Variants in MPPED2 observed in about 807,000 individuals in gnomAD.
The protein encoded by MPPED2 is metallophosphoesterase domain containing 2.
Under a neutral mutation model 33.0 loss-of-function variants are expected in MPPED2, and 5 were observed. The observed-to-expected ratio is 0.15, with a 90% confidence interval of 0.08 to 0.32. The LOEUF (loss-of-function observed/expected upper bound fraction) is 0.32. Ranked by LOEUF, MPPED2 falls within the 10% of genes least tolerant of loss-of-function variation. The pLI is 1.00. For missense variants in MPPED2, 275 were observed against 372.1 expected (o/e 0.74, Z 2.15); for synonymous variants, 136 against 141.9 (o/e 0.96, Z 0.29).
chr11:30,585,101 C>T (rs1957397722), intron 1 of MPPED2: 1 of 152,322 alleles, frequency 6.6e-6, no homozygotes, highest in South Asian at 2.1e-4. Flanking sequence ...TAGAAAAATG[C>T]CCCCTTCACC....
intron 2 of MPPED2, among the ~76,000 whole-genome samples, chr11:30,550,256 C>T (rs1055514521): frequency 6.6e-6 from 1 of 151,796 alleles, no homozygotes; most frequent in African/African-American, 2.4e-5. Context: ...CAAATCAGCC[C>T]CTGGTTCCAA....
At chr11:30,387,020 G>A in exon 7 of MPPED2, 1 of 365,472 alleles carries the variant, frequency 2.7e-6, no homozygotes, top group Non-Finnish European at 4.9e-6. Flanking sequence ...AGTAGTGATG[G>A]AAGCAGATCT....
intron 4 of MPPED2, among the ~76,000 whole-genome samples, chr11:30,470,017 A>G (rs1379085985): frequency 1.3e-5 from 2 of 152,162 alleles, no homozygotes; most frequent in African/African-American, 2.4e-5. Context: ...TGCAACTTCA[A>G]CTTGTGAGTG....
At chr11:30,508,604 C>T (rs488587) in intron 3 of MPPED2, among the ~76,000 whole-genome samples, 21,092 of 152,210 alleles carry the variant, frequency 0.14, 2,553 homozygotes, top group African/African-American at 0.33. Context: ...TAGAAGGCTG[C>T]CTTGGCTTAA....
intron 3 of MPPED2, among the ~76,000 whole-genome samples, chr11:30,535,018 T>A (rs1247431816): frequency 6.6e-6 from 1 of 152,218 alleles, no homozygotes; most frequent in Non-Finnish European, 1.5e-5. Context: ...ATACAAAATG[T>A]GAACAGATGA....
chr11:30,545,476 CTA>C (rs1165930938), intron 2 of MPPED2, among the ~76,000 whole-genome samples: 1 of 152,134 alleles, frequency 6.6e-6, no homozygotes, highest in Non-Finnish European at 1.5e-5. Context: ...TCCCGTAGCT[CTA>C]TCTTACAGCC....
At chr11:30,421,562 T>A (rs1394834023) in intron 4 of MPPED2, among the ~76,000 whole-genome samples, 1 of 152,146 alleles carries the variant, frequency 6.6e-6, no homozygotes, top group Non-Finnish European at 1.5e-5. Context: ...TTCACAGCAA[T>A]TTTTAAGGTA....
At chr11:30,472,802 C>T (rs1021926957) in intron 4 of MPPED2, among the ~76,000 whole-genome samples, 1 of 152,098 alleles carries the variant, frequency 6.6e-6, no homozygotes, top group Non-Finnish European at 1.5e-5. Flanking sequence ...GTTGGAGAAG[C>T]TGGAAAAGTT....
chr11:30,392,300 T>C (rs1425934421), intron 6 of MPPED2, among the ~76,000 whole-genome samples: 1 of 152,204 alleles, frequency 6.6e-6, no homozygotes, highest in African/African-American at 2.4e-5. Flanking sequence ...TTTGTCCTTA[T>C]TGACTGTTCT....
intron 4 of MPPED2, among the ~76,000 whole-genome samples, chr11:30,480,942 A>G (rs947874222): frequency 6.6e-6 from 1 of 152,122 alleles, no homozygotes; most frequent in Non-Finnish European, 1.5e-5. Flanking sequence ...AATGAAGATA[A>G]GAAAATTGAG....
At chr11:30,468,754 A>G (rs1950826590) in intron 4 of MPPED2, among the ~76,000 whole-genome samples, 2 of 152,184 alleles carry the variant, frequency 1.3e-5, no homozygotes, top group Non-Finnish European at 2.9e-5. Flanking sequence ...AGGGGTCAGT[A>G]TTATCTTCAA....
chr11:30,537,103 T>C (rs2134494795), intron 2 of MPPED2, among the ~76,000 whole-genome samples: 1 of 152,264 alleles, frequency 6.6e-6, no homozygotes, highest in South Asian at 2.1e-4. Context: ...TAACAAAGTG[T>C]ACTAAATAAA....
chr11:30,558,464 G>A (rs1048240259), intron 2 of MPPED2, among the ~76,000 whole-genome samples: 4 of 150,508 alleles, frequency 2.7e-5, no homozygotes, highest in African/African-American at 9.8e-5. Context: ...CCACCAGGCT[G>A]CAGTGCAGTG....
chr11:30,505,887 A>AT (rs1385648811), intron 3 of MPPED2, among the ~76,000 whole-genome samples: 1 of 152,190 alleles, frequency 6.6e-6, no homozygotes, highest in Non-Finnish European at 1.5e-5. Flanking sequence ...CTCCAAACAC[A>AT]TAATTTTAGC....
chr11:30,583,134 CTTTTTTTTTTTTTTT>C (rs199611856), intron 1 of MPPED2, among the ~76,000 whole-genome samples: 47,170 of 97,486 alleles, frequency 0.48, 8,739 homozygotes, highest in East Asian at 0.65. Context: ...AAGACTTTTT[CTTTTTTTTTTTTTTT>C]TTTTTTTTTT....
intron 2 of MPPED2, among the ~76,000 whole-genome samples, chr11:30,549,542 G>C (rs1192302879): frequency 6.6e-6 from 1 of 152,158 alleles, no homozygotes; most frequent in East Asian, 1.9e-4. Flanking sequence ...GTAGAGACTT[G>C]CAGGTCTCCT....
chr11:30,391,800 A>G (rs1947780332), intron 6 of MPPED2, among the ~76,000 whole-genome samples: 1 of 152,264 alleles, frequency 6.6e-6, no homozygotes, highest in South Asian at 2.1e-4. Context: ...GAAAAATTCA[A>G]CCTCCCCAGT....
intron 2 of MPPED2, among the ~76,000 whole-genome samples, chr11:30,548,118 C>T (rs774175629): frequency 2.0e-5 from 3 of 152,138 alleles, no homozygotes; most frequent in Non-Finnish European, 4.4e-5. Context: ...GACAAGTTTA[C>T]TAAACCTCTC....
At chr11:30,427,208 G>A (rs907767699) in intron 4 of MPPED2, among the ~76,000 whole-genome samples, 4 of 152,182 alleles carry the variant, frequency 2.6e-5, no homozygotes, top group Admixed American at 2.0e-4. Flanking sequence ...ATTTTGTCTT[G>A]TTACATAGCG....
Sources: allele counts gnomAD v4.1 joint callset (sites outside exome capture counted in the v4.1 genomes callset), GRCh38; gene constraint gnomAD v4.1.1; transcripts MANE v1.5; gene names NCBI Gene and HGNC (gene_info 2026-07-23, HGNC 2026-07-21).